CCT7: variants seen among roughly 807,000 people sequenced by gnomAD.
CCT7 encodes chaperonin containing TCP1 subunit 7.
In CCT7, 16 loss-of-function variants were observed where a neutral mutation model predicts 56.6. The observed-to-expected ratio is 0.28, with a 90% confidence interval of 0.19 to 0.43. The LOEUF is 0.43. Ranked by LOEUF, CCT7 falls within the 20% of genes least tolerant of loss-of-function variation. The pLI, the probability that CCT7 is intolerant of heterozygous loss-of-function variation, is 1.00. For missense variants in CCT7, 519 were observed against 685.6 expected, an observed-to-expected ratio of 0.76 and a Z score of 2.71; for synonymous variants, 262 against 254.8, an observed-to-expected ratio of 1.03 and a Z score of -0.27.
intron 2 of CCT7, chr2:73,240,123 T>C (rs977358762): frequency 6.1e-6 from 2 of 329,914 alleles, no homozygotes; most frequent in Non-Finnish European, 1.1e-5. Flanking sequence ...TATTAATTGA[T>C]GTGTGAGGGT....
chr2:73,247,243 G>C (rs185817340), intron 6 of CCT7, among the ~76,000 whole-genome samples: 3 of 152,174 alleles, frequency 2.0e-5, no homozygotes, highest in African/African-American at 7.2e-5. Flanking sequence ...GGGAGGAAGC[G>C]TCAAGGCTAT....
Position 73,252,995 on chromosome 2 carries a change from G to A in CCT7, c.*134G>A, listed in dbSNP as rs969091360. On this transcript the variant is annotated 3_prime_UTR_variant, in exon 12 of 12. Coordinates refer to ENST00000258091, the MANE Select transcript of CCT7 (RefSeq NM_006429.4). ...TTACTGGAGGCTATTTAAATAAAATGTAAGACTTCAGATAACTTTGTAAAT... is the reference window on the plus strand; with the variant it reads ...TTACTGGAGGCTATTTAAATAAAATATAAGACTTCAGATAACTTTGTAAAT... 1.6e-6 allele frequency: 1 copy of A among 640,820 alleles called. No homozygotes were observed. Among genetic ancestry groups the A allele is most frequent in the African/African-American group, 1.8e-5 (1 of 54,494 alleles). The allele number at this position is 640,820 out of a possible 1,614,324, so 39.7% of individuals were successfully genotyped here. A position where few individuals can be genotyped will look rare whatever the true frequency, so the allele number is the denominator to read the frequency against.
At chr2:73,244,835 C>T (rs147295389) in intron 6 of CCT7, 120 bp downstream of exon 6, 9 of 705,880 alleles carry the variant, frequency 1.3e-5, no homozygotes, top group Non-Finnish European at 1.8e-5. Flanking sequence ...GGCAGGAAGT[C>T]AGACTTACAT....
intron 1 of CCT7, among the ~76,000 whole-genome samples, chr2:73,237,141 A>G (rs183449861): frequency 1.3e-5 from 2 of 152,218 alleles, no homozygotes; most frequent in East Asian, 1.9e-4. Context: ...AAAAGTTGCG[A>G]GCAAGGGCAA....
chr2:73,245,291 C>G (rs552353347), intron 6 of CCT7, among the ~76,000 whole-genome samples: 1 of 152,160 alleles, frequency 6.6e-6, no homozygotes, highest in Admixed American at 6.5e-5. Flanking sequence ...ATATAGTGTT[C>G]TGTAGCTTGC....
chr2:73,241,500 C>T (rs180811396), intron 3 of CCT7, among the ~76,000 whole-genome samples: 1 of 152,012 alleles, frequency 6.6e-6, no homozygotes, highest in Admixed American at 6.6e-5. Context: ...GCTTGTGTCT[C>T]ATTACTTTAG....
Position 73,252,957 on chromosome 2 carries a change from G to C in CCT7, c.*96G>C, listed in dbSNP as rs1323340323. ...TTTTACAAGGAAGGGGTAGTAATTGGCCCACTCTCTTCTTACTGGAGGCTA... is the reference window on the plus strand; with the variant it reads ...TTTTACAAGGAAGGGGTAGTAATTGCCCCACTCTCTTCTTACTGGAGGCTA... On this transcript the variant is annotated 3_prime_UTR_variant, in exon 12 of 12. Coordinates refer to ENST00000258091, the MANE Select transcript of CCT7 (RefSeq NM_006429.4). The C allele has an allele frequency of 2.5e-6, 2 of 787,062 alleles. No homozygotes were observed. Among genetic ancestry groups the C allele is most frequent in the Non-Finnish European group, 4.1e-6 (2 of 485,630 alleles). 48.8% of individuals were successfully genotyped at this position (787,062 alleles called of 1,614,324 possible).
intron 7 of CCT7, 106 bp from the exon 8 acceptor site, chr2:73,248,885 T>A (rs1687455322): frequency 1.2e-6 from 1 of 854,248 alleles, no homozygotes; most frequent in Non-Finnish European, 1.9e-6. Flanking sequence ...AATTCCCAGA[T>A]GAATCAGCAT....
rs780338852 is a variant in CCT7 at position 73,249,082 on chromosome 2, A to T, written c.875A>T (p.Lys292Ile). ...HHSGAKVVLS[K>I]LPIGDVATQY... ...TCTGGAGCCAAAGTTGTCTTGTCCA[A>T]ACTCCCCATTGGGGATGTGGCCACC... Residue 292 changes from lysine to isoleucine, a missense_variant, in exon 8 of 12, where the codon AAA becomes ATA. Lys to Ile is a moderately radical substitution (Grantham distance 102, BLOSUM62 -3). Transcript: ENST00000258091. The T allele has an allele frequency of 6.2e-7, 1 of 1,614,148 alleles. No individual in the cohort carries two copies. The highest frequency in any genetic ancestry group is 1.3e-5 in the African/African-American group (1 of 75,044).
intron 1 of CCT7, among the ~76,000 whole-genome samples, chr2:73,235,176 A>G (rs1338537910): frequency 6.6e-6 from 1 of 152,090 alleles, no homozygotes; most frequent in African/African-American, 2.4e-5. Context: ...TGAGTCCTGG[A>G]GCCACCTAAA....
rs1474119342 is a variant in CCT7, at chr2:73,243,030, C to T, written c.294C>T (p.Thr98=). The change falls in exon 4 of 12, where the codon ACC becomes ACT. Residue 98 remains threonine (T), a synonymous_variant. Transcript: ENST00000258091. The stretch of plus-strand genomic sequence containing the variant: ...TGGGTGATGGCACCACCTCAGTGAC[C>T]TTGCTGGCTGCAGAGTTTCTGAAGC... ...AEVGDGTTSV[T]LLAAEFLKQV... 2.5e-6 allele frequency: 4 copies of T among 1,613,972 alleles called. No individual in the cohort carries two copies. In the Admixed American group the frequency reaches 5.0e-5, roughly 20 times the overall value.
chr2:73,252,758 C>T lies in CCT7; in HGVS notation c.1529C>T (p.Ala510Val), dbSNP rs757903148. ...GCGCTGACAGCAGCCTCTGAGGCTG[C>T]GTGCCTGATCGTGTCTGTAGATGAA... ...INALTAASEAACLIVSVDETI... is the reference protein window; with the variant it reads ...INALTAASEAVCLIVSVDETI... The change falls in exon 12 of 12, where the codon GCG becomes GTG. Residue 510 changes from alanine (A) to valine (V), a missense_variant. Ala to Val is a moderately conservative substitution (Grantham distance 64, BLOSUM62 0). This residue lies in a region of CCT7 where 237 missense variants were observed against 300.8 expected (regional missense o/e 0.79). Coordinates refer to ENST00000258091, the MANE Select transcript of CCT7 (RefSeq NM_006429.4). 18 of 1,613,968 alleles carry T rather than the reference C, an allele frequency of 1.1e-5. No individual in the cohort carries two copies. The highest frequency in any genetic ancestry group is 1.1e-5 in the South Asian group (1 of 91,076).
Position 73,244,008 on chromosome 2 carries a change from G to T in CCT7, c.405G>T (p.Lys135Asn). 6.2e-7 allele frequency: 1 copy of T among 1,613,154 alleles called. No individual in the cohort carries two copies. The highest frequency in any genetic ancestry group is 8.5e-7 in the Non-Finnish European group (1 of 1,179,692). The change falls in exon 5 of 12, where the codon AAG becomes AAT. Residue 135 changes from lysine to asparagine, a missense_variant. Physicochemically the swap from Lys to Asn is moderately conservative, Grantham distance 94. Coordinates refer to ENST00000258091, the MANE Select transcript of CCT7 (RefSeq NM_006429.4). ...FRTATQLAVN[K>N]IKEIAVTVKK... ...TCTGTTCTTGGCAGGCAGTTAACAAGATCAAAGAGATTGCTGTGACCGTGA... is the reference window on the plus strand; with the variant it reads ...TCTGTTCTTGGCAGGCAGTTAACAATATCAAAGAGATTGCTGTGACCGTGA...
chr2:73,240,287 C>A (rs369013879), intron 2 of CCT7, 150 bp from the exon 3 acceptor site: 2 of 496,586 alleles, frequency 4.0e-6, no homozygotes, highest in African/African-American at 3.9e-5. Flanking sequence ...AGAGCTAATT[C>A]TGTATAGAAA....
Position 73,244,682 on chromosome 2 carries a change from T to G in CCT7, c.585T>G (p.Ile195Met), listed in dbSNP as rs1012156778. ...ATGATTTGCTGCAGCTTAAAATGAT[T>G]GGAATCAAGAAGGTACAGGGTGGAG... ...MLDDLLQLKM[I>M]GIKKVQGGAL... The change falls in exon 6 of 12, where the codon ATT becomes ATG. Residue 195 changes from isoleucine (I) to methionine (M), a missense_variant. This residue lies in a region of CCT7 where 276 missense variants were observed against 357.3 expected (regional missense o/e 0.77). Coordinates refer to ENST00000258091, the MANE Select transcript of CCT7 (RefSeq NM_006429.4). 1 of 1,613,722 alleles carries G rather than the reference T, an allele frequency of 6.2e-7. No homozygotes were observed. The highest frequency in any genetic ancestry group is 2.2e-5 in the East Asian group (1 of 44,886).
chr2:73,251,619 TC>T (rs1426521379), intron 11 of CCT7, among the ~76,000 whole-genome samples, 187 bp downstream of exon 11: 2 of 152,184 alleles, frequency 1.3e-5, no homozygotes, highest in African/African-American at 4.8e-5. Flanking sequence ...GCACAGGAGA[TC>T]CAGGGTTTCT....
Position 73,239,653 on chromosome 2 carries a change from TTATCC to T in CCT7, c.21_25del (p.Leu8GlufsTer5), listed in dbSNP as rs1687018598. On this transcript the variant is annotated frameshift_variant, in exon 2 of 12. Transcript: ENST00000258091. LOFTEE classifies it high-confidence loss of function. ...TTCTTTCTTTTCTAGCCCACACCAG[TTATCC>T]TATTGAAAGAGGGGACTGATAGCTC... 6.2e-7 allele frequency: 1 copy of T among 1,613,730 alleles called. No homozygotes were observed.
In CCT7 at chr2:73,235,614, G is replaced by A. The variant is rs909218044; in HGVS notation, c.6+1230G>A. 1.0e-5 allele frequency: 10 copies of A among 970,744 alleles called. No homozygotes were observed. In the African/African-American group the frequency reaches 1.4e-4, roughly 14 times the overall value. The allele number at this position is 970,744 out of a possible 1,614,324, so 60.1% of individuals were successfully genotyped here. A position where few individuals can be genotyped will look rare whatever the true frequency, so the allele number is the denominator to read the frequency against. ...AGGCAGCATAGTACAGCAGTTGAGA[G>A]TAAGGCCTCTGGAGCTACACTGAAT... On this transcript the variant is annotated intron_variant, in intron 1 of 11. Coordinates refer to ENST00000258091, the MANE Select transcript of CCT7 (RefSeq NM_006429.4).
In CCT7 at chr2:73,252,812, A is replaced by G; in HGVS notation, c.1583A>G (p.Asp528Gly). 1 of 1,613,986 alleles carries G rather than the reference A, an allele frequency of 6.2e-7. No homozygotes were observed. Among genetic ancestry groups the G allele is most frequent in the Non-Finnish European group, 8.5e-7 (1 of 1,179,988 alleles). Residue 528 changes from aspartate (D) to glycine (G), a missense_variant, in exon 12 of 12, where the codon GAT becomes GGT. Asp to Gly is a moderately conservative substitution (Grantham distance 94, BLOSUM62 -1). This residue lies in a region of CCT7 where 237 missense variants were observed against 300.8 expected (regional missense o/e 0.79). Transcript: ENST00000258091. ...ETIKNPRSTV[D>G]APTAAGRGRG... ...ATCAAGAACCCCCGCTCGACTGTGG[A>G]TGCTCCCACAGCAGCAGGCCGGGGC...
Sources: gnomAD v4.1 joint callset for allele counts (sites outside exome capture counted in the v4.1 genomes callset) on GRCh38, gnomAD v4.1.1 for gene constraint, gnomAD v4.1.1 regional missense constraint, MANE v1.5 for transcripts, NCBI Gene and HGNC (gene_info 2026-07-23, HGNC 2026-07-21) for gene names.